EXD3: variants seen among roughly 807,000 people sequenced by gnomAD.
The protein encoded by EXD3 is exonuclease mut-7 homolog.
In EXD3, 92 loss-of-function variants were observed where a neutral mutation model predicts 98.0. The ratio of observed to expected loss-of-function variants is 0.94; its 90% CI spans 0.79 to 1.12. The LOEUF is 1.12. Ranked by LOEUF, EXD3 falls within the 50% of genes most tolerant of loss-of-function variation. EXD3 has a pLI of 0.00. For synonymous variants in EXD3, 569 were observed against 526.0 expected (o/e 1.08, Z -1.12); for missense variants, 1,222 against 1,191.6 (o/e 1.03, Z -0.38).
chr9:137,377,930 A>C (rs977631274), intron 3 of EXD3, among the ~76,000 whole-genome samples: 4 of 149,518 alleles, frequency 2.7e-5, no homozygotes, highest in Middle Eastern at 6.9e-3. Flanking sequence ...GGTAGCTGGG[A>C]TTACAGGTGC....
chr9:137,382,655 A>T (rs1471926742), intron 3 of EXD3, among the ~76,000 whole-genome samples: 1 of 152,062 alleles, frequency 6.6e-6, no homozygotes, highest in Non-Finnish European at 1.5e-5. Flanking sequence ...GTCAGAGGGC[A>T]TCCCCCGGGC....
In EXD3 at chr9:137,309,590, G is replaced by C; in HGVS notation, c.2278+17C>G. The C allele has an allele frequency of 1.9e-6, 3 of 1,550,570 alleles. No homozygotes were observed. In the South Asian group the frequency reaches 3.6e-5, roughly 18 times the overall value. ...CCCAGGCCCCCCAGACCCAGTGCCT[G>C]ACCCTGACACACTCACCTGAGCTCC... On this transcript the variant is annotated intron_variant, in intron 20 of 21. Coordinates refer to ENST00000340951, the MANE Select transcript of EXD3 (RefSeq NM_017820.5).
intron 5 of EXD3, among the ~76,000 whole-genome samples, chr9:137,368,870 T>G (rs1588364647): frequency 4.2e-5 from 5 of 119,362 alleles, no homozygotes; most frequent in East Asian, 2.9e-4. Flanking sequence ...CTCAGGGCCG[T>G]GGGGAGGGGC....
At chr9:137,329,871 T>C (rs374602238) in intron 17 of EXD3, among the ~76,000 whole-genome samples, 1 of 89,796 alleles carries the variant, frequency 1.1e-5, no homozygotes, top group Non-Finnish European at 2.7e-5. Context: ...CACAGGACTA[T>C]GCAGGACCAC....
At position 137,349,528 on chromosome 9, in the gene EXD3, G is replaced by A. The variant is rs559940319; in HGVS notation, c.1498C>T (p.Arg500Trp). The change falls in exon 15 of 22, where the codon CGG (arginine) becomes TGG (tryptophan). Residue 500 changes from arginine (R) to tryptophan (W), a missense_variant. Arg to Trp is a moderately radical substitution (Grantham distance 101). Transcript: ENST00000340951. This position sits in a 1 kb window ranked among gnomAD's most constrained non-coding sequence, Gnocchi z 7.4. ...MDLLLVHRQM[R>W]VASVPAPAVD... is the part of the protein sequence containing the mutation. ...GCTGGGGCTGGCACGCTCGCCACCCGCATCTGCTAAGACAGTGCCCTGCAG... is the reference window on the plus strand; with the variant it reads ...GCTGGGGCTGGCACGCTCGCCACCCACATCTGCTAAGACAGTGCCCTGCAG... The A allele has an allele frequency of 1.4e-5, 23 of 1,587,252 alleles. 2 individuals are homozygous for A. The highest frequency in any genetic ancestry group is 1.1e-4 in the South Asian group (10 of 88,774).
chr9:137,355,159 C>T (rs1834557320), intron 8 of EXD3, among the ~76,000 whole-genome samples: 1 of 152,162 alleles, frequency 6.6e-6, no homozygotes, highest in African/African-American at 2.4e-5. Context: ...GTGACTGAAG[C>T]CCCATGAGCG....
chr9:137,348,063 A>T lies in EXD3; in HGVS notation c.1998+8T>A, dbSNP rs760759416. On this transcript the variant is annotated splice_region_variant and intron_variant, in intron 17 of 21. Transcript: ENST00000340951. ...GGGAGGACCCCAAGACCCTCCCCGC[A>T]AACTCACCTCGGCCGCCCTGCGGTG... 6.2e-7 allele frequency: 1 copy of T among 1,608,608 alleles called. No individual in the cohort carries two copies. Among genetic ancestry groups the T allele is most frequent in the South Asian group, 1.1e-5 (1 of 90,432 alleles).
At chr9:137,397,683 G>A (rs1837280799) in intron 1 of EXD3, among the ~76,000 whole-genome samples, 1 of 152,206 alleles carries the variant, frequency 6.6e-6, no homozygotes, top group Middle Eastern at 3.2e-3. Context: ...TGTTCAAACA[G>A]TTCAAGGAGG....
In EXD3 at chr9:137,307,044, C is replaced by T; in HGVS notation, c.2537G>A (p.Gly846Asp). Residue 846 changes from glycine (G) to aspartate (D), a missense_variant, in exon 22 of 22, where the codon GGT (glycine) becomes GAT (aspartate). Physicochemically the swap from Gly to Asp is moderately conservative, Grantham distance 94. Transcript: ENST00000340951. ...GKVFWDGSHL[G>D]RVATHFRDML... Reference sequence around the variant, plus strand: ...GTCTCGGAAGTGGGTGGCAACACGACCCAGGTGGGAGCCGTCCCAGAAGAC... The same window carrying T: ...GTCTCGGAAGTGGGTGGCAACACGATCCAGGTGGGAGCCGTCCCAGAAGAC... 6.2e-7 allele frequency: 1 copy of T among 1,612,274 alleles called. No individual in the cohort carries two copies. Among genetic ancestry groups the T allele is most frequent in the African/African-American group, 1.3e-5 (1 of 75,006 alleles).
rs1231690306 is a variant in EXD3 at position 137,383,322 on chromosome 9, C to T, written c.111G>A (p.Glu37=). 3 of 1,550,000 alleles carry T rather than the reference C, an allele frequency of 1.9e-6. No individual in the cohort carries two copies. The Admixed American group carries it at 5.9e-5, about 30-fold the overall frequency. The change falls in exon 3 of 22, where the codon GAG becomes GAA. Residue 37 remains glutamate, a synonymous_variant. Coordinates refer to ENST00000340951, the MANE Select transcript of EXD3 (RefSeq NM_017820.5). ...TGCCACGTCCACTCACCTGCTTCCG[C>T]TCCCGCGTGGACCACAGGGTCTGCA... ...QALQTLWSTR[E]RKQLREEAWR...
At chr9:137,402,265 C>T (rs536764541) in intron 1 of EXD3, among the ~76,000 whole-genome samples, 13 of 152,350 alleles carry the variant, frequency 8.5e-5, no homozygotes, top group African/African-American at 3.1e-4. Flanking sequence ...CCGCCCGTCT[C>T]AGCCTCCCAA....
intron 17 of EXD3, among the ~76,000 whole-genome samples, chr9:137,344,467 G>C (rs1002007445): frequency 2.0e-5 from 3 of 152,152 alleles, no homozygotes; most frequent in Admixed American, 6.6e-5. Context: ...GTGGAACTTC[G>C]CTGGCACGTT....
At chr9:137,330,520 C>G (rs931218338) in intron 17 of EXD3, among the ~76,000 whole-genome samples, 1 of 142,862 alleles carries the variant, frequency 7.0e-6, no homozygotes, top group African/African-American at 2.6e-5. Flanking sequence ...CTACGCAGGA[C>G]CACACAGGAG....
chr9:137,411,848 G>A (rs915272356), intron 1 of EXD3, among the ~76,000 whole-genome samples: 7 of 152,126 alleles, frequency 4.6e-5, no homozygotes, highest in East Asian at 3.9e-4. Context: ...ACTGGAAGCC[G>A]GGCCACCCTG....
intron 17 of EXD3, among the ~76,000 whole-genome samples, chr9:137,337,142 T>G (rs763961675): frequency 2.0e-4 from 30 of 152,194 alleles, no homozygotes; most frequent in Non-Finnish European, 3.5e-4. Context: ...AGAGCATTAC[T>G]GGAGTCAAAG....
chr9:137,365,409 A>T (rs1351401217), intron 7 of EXD3: 1 of 153,480 alleles, frequency 6.5e-6, no homozygotes, highest in African/African-American at 2.4e-5. Flanking sequence ...CAGACCTTTC[A>T]GCTTGCTTCA....
chr9:137,419,963 T>G lies in EXD3; in HGVS notation c.-48+3151A>C, dbSNP rs180734040. Among the ~76,000 whole-genome samples, 33 of 152,024 alleles carry G rather than the reference T, an allele frequency of 2.2e-4. 1 individual carries two copies. The East Asian group carries it at 4.5e-3, about 21-fold the overall frequency. ...TCACGAGGTCAGGAGATCGAGACCATCCTGGCTAATACGGTGAAACCCCAT... is the reference window on the plus strand; with the variant it reads ...TCACGAGGTCAGGAGATCGAGACCAGCCTGGCTAATACGGTGAAACCCCAT... On this transcript the variant is annotated intron_variant, in intron 1 of 21. Transcript: ENST00000340951.
At chr9:137,399,155 C>T (rs1404708233) in intron 1 of EXD3, among the ~76,000 whole-genome samples, 3 of 152,250 alleles carry the variant, frequency 2.0e-5, no homozygotes, top group East Asian at 1.9e-4. Context: ...ATTCTCCTGA[C>T]GGTCATGGTA....
chr9:137,355,120 G>T (rs1349047557), intron 8 of EXD3, among the ~76,000 whole-genome samples: 1 of 152,178 alleles, frequency 6.6e-6, no homozygotes, highest in African/African-American at 2.4e-5. Flanking sequence ...AACCCTCGTG[G>T]ACAGAGCCGG....
Sources: gnomAD v4.1 joint callset for allele counts (sites outside exome capture counted in the v4.1 genomes callset) on GRCh38, gnomAD v4.1.1 for gene constraint, Gnocchi (gnomAD v3.1) non-coding constraint, MANE v1.5 for transcripts, NCBI Gene and HGNC (gene_info 2026-07-23, HGNC 2026-07-21) for gene names.